Variants in WFDC1 observed in about 807,000 individuals in gnomAD.
WFDC1 encodes WAP four-disulfide core domain 1, also known as WAP four-disulfide core domain protein 1.
A neutral mutation model predicts 32.9 loss-of-function variants in WFDC1; 39 were observed. The observed-to-expected ratio is 1.19, with a 90% confidence interval of 0.92 to 1.55. WFDC1 has a LOEUF of 1.55. WFDC1 is among the 40% of genes most tolerant of loss of function. WFDC1 has a pLI of 0.00. For missense variants in WFDC1, 386 were observed against 309.5 expected, an observed-to-expected ratio of 1.25 and a Z score of -1.85; for synonymous variants, 184 against 137.4, an observed-to-expected ratio of 1.34 and a Z score of -2.37.
In WFDC1 at chr16:84,301,450, A is replaced by G. The variant is rs1043634524; in HGVS notation, c.144+6335A>G. Among the ~76,000 whole-genome samples the G allele has an allele frequency of 5.9e-5, 9 of 152,216 alleles. No individual in the cohort carries two copies. In the East Asian group the frequency reaches 1.4e-3, roughly 23 times the overall value. On this transcript the variant is annotated intron_variant, in intron 1 of 6. Transcript: ENST00000219454. ...AGTGGGGCTATCACTATATCCCCAG[A>G]GTCTGGGAGCTTTGTCTGCTCCTTG...
At chr16:84,326,810 C>A in intron 5 of WFDC1, 72 bp from the exon 6 acceptor site, 1 of 1,591,600 alleles carries the variant, frequency 6.3e-7, no homozygotes, top group Non-Finnish European at 8.6e-7. Flanking sequence ...TTGGCAGTTC[C>A]TGGTGAGCCA....
At chr16:84,307,312 C>G (rs564243355) in intron 1 of WFDC1, among the ~76,000 whole-genome samples, 10 of 152,196 alleles carry the variant, frequency 6.6e-5, no homozygotes, top group African/African-American at 2.4e-4. Flanking sequence ...GTTTAGAACC[C>G]TCTTTGAGTG....
intron 1 of WFDC1, among the ~76,000 whole-genome samples, chr16:84,304,117 G>A (rs1907105619): frequency 2.6e-5 from 4 of 152,192 alleles, no homozygotes; most frequent in Admixed American, 1.3e-4. Flanking sequence ...ATTGAATCTG[G>A]ACTTGGACTT....
chr16:84,322,005 T>C (rs1470982782), intron 4 of WFDC1, among the ~76,000 whole-genome samples: 2 of 152,224 alleles, frequency 1.3e-5, no homozygotes, highest in African/African-American at 2.4e-5. Flanking sequence ...GAATAGCACC[T>C]GGCCCACTGT....
Position 84,312,891 on chromosome 16 carries a change from T to C in WFDC1, c.145-70T>C, listed in dbSNP as rs1465440985. 5 of 1,017,638 alleles carry C rather than the reference T, an allele frequency of 4.9e-6. No individual in the cohort carries two copies. The South Asian group carries it at 1.9e-4, about 40-fold the overall frequency. 63.0% of individuals were successfully genotyped at this position (1,017,638 alleles called of 1,614,324 possible). On this transcript the variant is annotated intron_variant, in intron 1 of 6. Coordinates refer to ENST00000219454, the MANE Select transcript of WFDC1 (RefSeq NM_021197.4). The stretch of plus-strand genomic sequence containing the variant: ...AGGCCCGGCGCACTGCCCACCCCCT[T>C]GCAAGCTCCGGGTGGCGCCGGGACT...
At position 84,294,938 on chromosome 16, in the gene WFDC1, G is replaced by C. The variant is rs1444167152; in HGVS notation, c.-34G>C. The C allele has an allele frequency of 6.3e-7, 1 of 1,599,248 alleles. No homozygotes were observed. Among genetic ancestry groups the C allele is most frequent in the African/African-American group, 1.3e-5 (1 of 74,710 alleles). On this transcript the variant is annotated 5_prime_UTR_variant, in exon 1 of 7. Coordinates refer to ENST00000219454, the MANE Select transcript of WFDC1 (RefSeq NM_021197.4). Reference sequence around the variant, plus strand: ...ACGCAGCGAGGGGGGCCCCTCTTCTGTGTGCGTCTGGAAGGTCGCTGCCCA... The same window carrying C: ...ACGCAGCGAGGGGGGCCCCTCTTCTCTGTGCGTCTGGAAGGTCGCTGCCCA...
intron 1 of WFDC1, 21 bp from the exon 2 acceptor site, chr16:84,312,940 G>T: frequency 8.7e-7 from 1 of 1,151,206 alleles, no homozygotes; most frequent in South Asian, 4.3e-5. Flanking sequence ...CAGAGCTGCT[G>T]ACACCGCCCT....
Position 84,312,805 on chromosome 16 carries a change from GCCCTC to G in WFDC1, c.145-154_145-150del, listed in dbSNP as rs1907711432. On this transcript the variant is annotated intron_variant, in intron 1 of 6. Coordinates refer to ENST00000219454, the MANE Select transcript of WFDC1 (RefSeq NM_021197.4). ...ATGGTATCTTCTGACCTTCTGAGCC[GCCCTC>G]CGAGGCTGGCTCTGCCTGCTTGCTG... Among the ~76,000 whole-genome samples, 3 of 152,220 alleles carry G rather than the reference GCCCTC, an allele frequency of 2.0e-5. 1 individual carries two copies. In the South Asian group the frequency reaches 6.2e-4, roughly 32 times the overall value.
chr16:84,311,466 G>A (rs1265435148), intron 1 of WFDC1, among the ~76,000 whole-genome samples: 1 of 144,660 alleles, frequency 6.9e-6, no homozygotes, highest in Non-Finnish European at 1.5e-5. Context: ...CTGACCTCAT[G>A]ATCCACCTAC....
At chr16:84,295,771 G>T (rs191014969) in intron 1 of WFDC1, 5 of 152,624 alleles carry the variant, frequency 3.3e-5, no homozygotes, top group African/African-American at 1.2e-4. Flanking sequence ...CTCATTAGCT[G>T]CGTGGCTTCT....
intron 4 of WFDC1, among the ~76,000 whole-genome samples, chr16:84,323,485 A>G (rs1318905914): frequency 1.3e-5 from 2 of 152,226 alleles, no homozygotes; most frequent in Non-Finnish European, 2.9e-5. Context: ...TGGGACATGC[A>G]TGAAATTGCC....
At chr16:84,316,076 A>G (rs1365282849) in intron 2 of WFDC1, 2 of 152,348 alleles carry the variant, frequency 1.3e-5, no homozygotes, top group Middle Eastern at 3.4e-3. Context: ...AACAGCACAT[A>G]TTACTACGTT....
chr16:84,314,205 C>A (rs888391508), intron 2 of WFDC1, among the ~76,000 whole-genome samples: 1 of 152,146 alleles, frequency 6.6e-6, no homozygotes, highest in Non-Finnish European at 1.5e-5. Context: ...AGGGATTCAT[C>A]ATTGGCAGGA....
intron 1 of WFDC1, among the ~76,000 whole-genome samples, chr16:84,297,874 C>A (rs968564406): frequency 3.9e-5 from 6 of 152,070 alleles, no homozygotes; most frequent in African/African-American, 1.4e-4. Flanking sequence ...CAGGGACTTA[C>A]GGATGATAGG....
chr16:84,323,911 A>C (rs1303521217), intron 4 of WFDC1, among the ~76,000 whole-genome samples: 1 of 152,258 alleles, frequency 6.6e-6, no homozygotes, highest in Non-Finnish European at 1.5e-5. Flanking sequence ...ACCTGAGGTC[A>C]GGAGTTCGAG....
chr16:84,325,199 C>A lies in WFDC1; in HGVS notation c.604+739C>A, dbSNP rs570655860. 2.8e-4 allele frequency among the ~76,000 whole-genome samples: 34 copies of A among 123,200 alleles called. No homozygotes were observed. In the South Asian group the frequency reaches 9.9e-3, roughly 36 times the overall value. The allele number at this position is 123,200 out of a possible 152,430, so 80.8% of individuals were successfully genotyped here. ...CCTTTCACTTATCCATCTATCCACCCATCTACCTTTTTTTTTTTTTTGAGA... is the reference window on the plus strand; with the variant it reads ...CCTTTCACTTATCCATCTATCCACCAATCTACCTTTTTTTTTTTTTTGAGA... On this transcript the variant is annotated intron_variant, in intron 5 of 6. Transcript: ENST00000219454.
chr16:84,298,741 C>T (rs967621862), intron 1 of WFDC1, among the ~76,000 whole-genome samples: 3 of 152,134 alleles, frequency 2.0e-5, no homozygotes, highest in African/African-American at 7.2e-5. Flanking sequence ...AGAGTGGGGC[C>T]GGTTAATGTC....
At chr16:84,321,174 C>G (rs1908283580) in intron 4 of WFDC1, among the ~76,000 whole-genome samples, 1 of 152,240 alleles carries the variant, frequency 6.6e-6, no homozygotes, top group South Asian at 2.1e-4. Flanking sequence ...ATAACATAAC[C>G]TTTTCAGGCC....
Position 84,297,506 on chromosome 16 carries a change from A to C in WFDC1, c.144+2391A>C, listed in dbSNP as rs528778321. ...GCGGCAAATGCCTGTAATCCCAGCT[A>C]CTCAGAAGGCTGAGGTGGAAGAATT... On this transcript the variant is annotated intron_variant, in intron 1 of 6. Coordinates refer to ENST00000219454, the MANE Select transcript of WFDC1 (RefSeq NM_021197.4). Among the ~76,000 whole-genome samples the C allele has an allele frequency of 7.3e-5, 11 of 151,460 alleles. No individual in the cohort carries two copies. In the South Asian group the frequency reaches 1.7e-3, roughly 23 times the overall value.
Sources: gnomAD v4.1 joint callset for allele counts (sites outside exome capture counted in the v4.1 genomes callset) on GRCh38, gnomAD v4.1.1 for gene constraint, MANE v1.5 for transcripts, NCBI Gene and HGNC (gene_info 2026-07-23, HGNC 2026-07-21) for gene names.